Variants in TRIM2 observed in about 807,000 individuals in gnomAD.
TRIM2 encodes tripartite motif containing 2.
In TRIM2, 20 loss-of-function variants were observed where a neutral mutation model predicts 75.2. The ratio of observed to expected loss-of-function variants is 0.27; its 90% confidence interval spans 0.19 to 0.39. The LOEUF (loss-of-function observed/expected upper bound fraction) is 0.39. TRIM2 is among the 10% of genes least tolerant of loss of function. TRIM2 has a pLI of 1.00. For missense variants in TRIM2, 660 were observed against 990.8 expected (o/e 0.67, Z 4.48); for synonymous variants, 373 against 388.3 (o/e 0.96, Z 0.46).
intron 1 of TRIM2, among the ~76,000 whole-genome samples, chr4:153,196,396 C>A (rs1642929904): frequency 6.6e-6 from 1 of 152,054 alleles, no homozygotes; most frequent in South Asian, 2.1e-4. Flanking sequence ...ATGATCACAC[C>A]ACTGTACTCC....
chr4:153,193,191 T>C lies in TRIM2; in HGVS notation c.-49+39921T>C, dbSNP rs116207035. ...CTGTCGCCCAGGCTGGAATGAAGTG[T>C]CGCGATCTCAGCTCCCTGCAAGCTC... On this transcript the variant is annotated intron_variant, in intron 1 of 11. Coordinates refer to the TRIM2 transcript ENST00000437508. Among the ~76,000 whole-genome samples, 1,115 of 147,510 alleles carry C rather than the reference T, an allele frequency of 7.6e-3. 16 individuals are homozygous for C. Among genetic ancestry groups the C allele is most frequent in the African/African-American group, 0.027 (1,047 of 39,416 alleles).
At chr4:153,161,493 G>A (rs764827138) in intron 1 of TRIM2, among the ~76,000 whole-genome samples, 4 of 152,216 alleles carry the variant, frequency 2.6e-5, no homozygotes, top group Non-Finnish European at 5.9e-5. Context: ...AAAAGCAGGT[G>A]CAGGAGTTGG....
intron 1 of TRIM2, among the ~76,000 whole-genome samples, chr4:153,218,412 G>A (rs917949826): frequency 1.1e-4 from 17 of 152,122 alleles, no homozygotes; most frequent in South Asian, 8.3e-4. Flanking sequence ...GTCTCTCTAC[G>A]TTGCCCAGGG....
Position 153,213,479 on chromosome 4 carries a change from T to C in TRIM2, c.30+8919T>C, listed in dbSNP as rs539180609. ...GATGGGCTCTGTTTCAAGTTCTTTATGCATCTTAATTAATTTAATCTTTGT... is the reference window on the plus strand; with the variant it reads ...GATGGGCTCTGTTTCAAGTTCTTTACGCATCTTAATTAATTTAATCTTTGT... On this transcript the variant is annotated intron_variant, in intron 1 of 11. Transcript: ENST00000338700. Among the ~76,000 whole-genome samples, 15 of 152,364 alleles carry C rather than the reference T, an allele frequency of 9.8e-5. No individual in the cohort carries two copies. The South Asian group carries it at 3.1e-3, about 32-fold the overall frequency.
Position 153,335,045 on chromosome 4 carries a change from G to T in TRIM2, c.*79G>T, listed in dbSNP as rs1772292743. On this transcript the variant is annotated 3_prime_UTR_variant, in exon 12 of 12. Coordinates refer to ENST00000338700, the MANE Select transcript of TRIM2 (RefSeq NM_015271.5). The stretch of plus-strand genomic sequence containing the variant: ...ATTTCTCAATGCGGGACCAGATTAT[G>T]ACTAGAGTTTTTATGCCAGAAGGAA... 5.8e-6 allele frequency: 8 copies of T among 1,367,596 alleles called. No individual in the cohort carries two copies. Among genetic ancestry groups the T allele is most frequent in the South Asian group, 4.2e-5 (2 of 47,204 alleles). The allele number at this position is 1,367,596 out of a possible 1,614,324, so 84.7% of individuals were successfully genotyped here.
intron 1 of TRIM2, among the ~76,000 whole-genome samples, chr4:153,181,674 G>A (rs893922403): frequency 1.3e-5 from 2 of 152,188 alleles, no homozygotes; most frequent in East Asian, 3.8e-4. Context: ...GGATGTGGCA[G>A]CGATGAGTCC....
rs1419053856 is a variant in TRIM2 at position 153,315,545 on chromosome 4, A to G, written c.1571A>G (p.Asn524Ser). The G allele has an allele frequency of 3.1e-6, 5 of 1,611,788 alleles. No homozygotes were observed. In the East Asian group the frequency reaches 8.9e-5, roughly 29 times the overall value. ...CTTCAGGGGGTAGCTGCATCTACAA[A>G]TGGAAAGATATTAATTGCAGACAGT... ...TNLQGVAAST[N>S]GKILIADSNN... Residue 524 changes from asparagine (N) to serine (S), a missense_variant, in exon 7 of 12, where the codon AAT (asparagine) becomes AGT (serine). Asn to Ser is a conservative substitution (Grantham distance 46, BLOSUM62 1). This residue lies in a region of TRIM2 where 620 missense variants were observed against 891.0 expected (regional missense o/e 0.70). Coordinates refer to ENST00000338700, the MANE Select transcript of TRIM2 (RefSeq NM_015271.5).
At chr4:153,257,804 A>T in intron 1 of TRIM2, 1 of 362,570 alleles carries the variant, frequency 2.8e-6, no homozygotes, top group African/African-American at 2.1e-5. Flanking sequence ...GTATTGTGCC[A>T]GGTGGATAAC....
At chr4:153,168,371 C>T (rs1266939497) in intron 1 of TRIM2, among the ~76,000 whole-genome samples, 3 of 151,492 alleles carry the variant, frequency 2.0e-5, no homozygotes, top group Admixed American at 6.6e-5. Context: ...CCTAGGAAAC[C>T]GTCTTGCATG....
intron 6 of TRIM2, chr4:153,307,817 G>A: frequency 1.4e-6 from 1 of 729,254 alleles, no homozygotes; most frequent in Non-Finnish European, 2.6e-6. Context: ...GGATGTAATA[G>A]TACAGGGACT....
intron 1 of TRIM2, among the ~76,000 whole-genome samples, chr4:153,238,620 T>C (rs73854612): frequency 7.0e-4 from 106 of 152,364 alleles, no homozygotes; most frequent in African/African-American, 2.4e-3. Flanking sequence ...CAGGATTCTC[T>C]GGAGGCATAG....
chr4:153,188,964 G>A lies in TRIM2; in HGVS notation c.-49+35694G>A, dbSNP rs559183031. 1.2e-3 allele frequency among the ~76,000 whole-genome samples: 179 copies of A among 151,948 alleles called. 7 individuals carry two copies. In the South Asian group the frequency reaches 0.036, roughly 30 times the overall value. ...ACTCCCCATACTCCCTTCATTTGTG[G>A]ATAATCATTTACATCTCCATGGCTT... On this transcript the variant is annotated intron_variant, in intron 1 of 11. Transcript: ENST00000437508.
intron 1 of TRIM2, among the ~76,000 whole-genome samples, chr4:153,230,562 A>T (rs938135374): frequency 1.3e-5 from 2 of 152,174 alleles, no homozygotes; most frequent in African/African-American, 4.8e-5. Flanking sequence ...CAGGCATAAC[A>T]TATTACCTTG....
In TRIM2 at chr4:153,293,063, G is replaced by A; in HGVS notation, c.535G>A (p.Val179Ile). The change falls in exon 4 of 12, where the codon GTT becomes ATT. Residue 179 changes from valine to isoleucine, a missense_variant. This residue lies in a region of TRIM2 where 620 missense variants were observed against 891.0 expected (regional missense o/e 0.70). Transcript: ENST00000338700. ...TEGEHAEHPT[V>I]PLKDVVEQHK... ...GGGGGAGCACGCAGAGCACCCCACA[G>A]TTCCACTCAAGGATGTGGTGGAACA... 6.2e-7 allele frequency: 1 copy of A among 1,613,916 alleles called. No homozygotes were observed. Among genetic ancestry groups the A allele is most frequent in the Non-Finnish European group, 8.5e-7 (1 of 1,179,818 alleles).
intron 1 of TRIM2, among the ~76,000 whole-genome samples, chr4:153,253,985 G>T (rs891435734): frequency 6.6e-6 from 1 of 152,000 alleles, no homozygotes; most frequent in Non-Finnish European, 1.5e-5. Context: ...CTGTGGACTC[G>T]CCCTGAATTC....
intron 1 of TRIM2, among the ~76,000 whole-genome samples, chr4:153,181,771 A>C (rs545380422): frequency 2.0e-5 from 3 of 151,750 alleles, no homozygotes; most frequent in African/African-American, 7.3e-5. Flanking sequence ...CATCCCCTCT[A>C]CTCAGGATCG....
intron 1 of TRIM2, among the ~76,000 whole-genome samples, chr4:153,238,800 A>G (rs1050428456): frequency 4.6e-5 from 7 of 152,162 alleles, no homozygotes; most frequent in African/African-American, 1.7e-4. Flanking sequence ...AGAGGTTTGG[A>G]TGCTTTAAGT....
At chr4:153,235,666 T>G (rs1314463446) in intron 1 of TRIM2, among the ~76,000 whole-genome samples, 2 of 152,190 alleles carry the variant, frequency 1.3e-5, no homozygotes, top group Non-Finnish European at 2.9e-5. Flanking sequence ...TGGCTGTGAT[T>G]CTTTTTCATT....
At chr4:153,314,234 A>C (rs1767054293) in intron 6 of TRIM2, among the ~76,000 whole-genome samples, 1 of 144,566 alleles carries the variant, frequency 6.9e-6, no homozygotes, top group Non-Finnish European at 1.5e-5. Flanking sequence ...TCCCGGCTAA[A>C]ACGGTGAAAC....
Sources: allele counts gnomAD v4.1 joint callset (sites outside exome capture counted in the v4.1 genomes callset), GRCh38; gene constraint gnomAD v4.1.1; regional missense constraint gnomAD v4.1.1; transcripts MANE v1.5; gene names NCBI Gene and HGNC (gene_info 2026-07-23, HGNC 2026-07-21).